The following SEMA5A variants were observed in gnomAD, a reference collection of about 807,000 sequenced individuals.
SEMA5A encodes the protein semaphorin 5A.
SEMA5A carries 55 observed loss-of-function variants against 135.5 expected under a neutral mutation model. The observed-to-expected ratio is 0.41, with a 90% CI of 0.33 to 0.51. The LOEUF (loss-of-function observed/expected upper bound fraction) is 0.51, where lower values mean the gene tolerates loss of function less well. SEMA5A is among the 20% of genes least tolerant of loss of function. The pLI is 0.37. For missense variants in SEMA5A, 1,290 were observed against 1,419.9 expected, an observed-to-expected ratio of 0.91 and a Z score of 1.47; for synonymous variants, 580 against 546.5, an observed-to-expected ratio of 1.06 and a Z score of -0.85.
chr5:9,302,353 A>C (rs1751651501), intron 5 of SEMA5A, among the ~76,000 whole-genome samples: 1 of 152,212 alleles, frequency 6.6e-6, no homozygotes, highest in African/African-American at 2.4e-5. Context: ...AAAATAAATA[A>C]GGCACTGACA....
intron 1 of SEMA5A, among the ~76,000 whole-genome samples, chr5:9,543,077 T>G (rs922051691): frequency 2.0e-5 from 3 of 152,220 alleles, no homozygotes; most frequent in African/African-American, 7.2e-5. Flanking sequence ...ACGATTCAGA[T>G]AGGCAGCTCT....
chr5:9,118,644 G>A (rs1355550671), intron 15 of SEMA5A, among the ~76,000 whole-genome samples: 1 of 152,096 alleles, frequency 6.6e-6, no homozygotes, highest in Non-Finnish European at 1.5e-5. Context: ...TGGAACTGGA[G>A]CTTTGAGATC....
chr5:9,480,802 C>T (rs1163192372), intron 1 of SEMA5A, among the ~76,000 whole-genome samples: 1 of 152,110 alleles, frequency 6.6e-6, no homozygotes, highest in African/African-American at 2.4e-5. Context: ...CTTTCCAGCC[C>T]TAATCCAGAG....
At chr5:9,539,717 C>T (rs1326841779) in intron 1 of SEMA5A, among the ~76,000 whole-genome samples, 3 of 152,076 alleles carry the variant, frequency 2.0e-5, no homozygotes, top group Non-Finnish European at 4.4e-5. Flanking sequence ...TGTCGGTGCT[C>T]AGAAAGTTTC....
intron 2 of SEMA5A, among the ~76,000 whole-genome samples, chr5:9,408,040 A>G (rs1036700117): frequency 5.9e-5 from 9 of 151,798 alleles, no homozygotes; most frequent in Non-Finnish European, 2.9e-5. Flanking sequence ...CATCATTACC[A>G]TCACTATGAC....
chr5:9,174,137 C>T (rs915056778), intron 11 of SEMA5A, among the ~76,000 whole-genome samples: 1 of 152,170 alleles, frequency 6.6e-6, no homozygotes, highest in Non-Finnish European at 1.5e-5. Flanking sequence ...TTTTCCCATG[C>T]CTGGGACAAG....
intron 16 of SEMA5A, among the ~76,000 whole-genome samples, chr5:9,068,275 T>C (rs1349641712): frequency 6.6e-6 from 1 of 152,248 alleles, no homozygotes; most frequent in African/African-American, 2.4e-5. Flanking sequence ...GAGAAGTCTG[T>C]AGACCTGGTC....
intron 2 of SEMA5A, among the ~76,000 whole-genome samples, chr5:9,387,177 T>C (rs1389156496): frequency 6.6e-6 from 1 of 152,206 alleles, no homozygotes; most frequent in Non-Finnish European, 1.5e-5. Context: ...CACATACTTA[T>C]GGCCACAAGG....
intron 1 of SEMA5A, among the ~76,000 whole-genome samples, chr5:9,520,368 A>G (rs1736756432): frequency 6.6e-6 from 1 of 152,168 alleles, no homozygotes; most frequent in South Asian, 2.1e-4. Context: ...GAACAGAGGA[A>G]TGGCGTGCTG....
chr5:9,479,385 G>GA (rs35642251), intron 1 of SEMA5A, among the ~76,000 whole-genome samples: 84,383 of 145,874 alleles, frequency 0.58, 24,089 homozygotes, highest in South Asian at 0.62. Context: ...CCATGTCTAT[G>GA]AAAAAAAAAA....
At chr5:9,182,001 A>C (rs912564912) in intron 11 of SEMA5A, among the ~76,000 whole-genome samples, 2 of 152,124 alleles carry the variant, frequency 1.3e-5, no homozygotes, top group Non-Finnish European at 2.9e-5. Context: ...CATGAAAGAC[A>C]GCACAACTTC....
chr5:9,081,531 C>T lies in SEMA5A; in HGVS notation c.2074-14885G>A, dbSNP rs562424812. On this transcript the variant is annotated intron_variant, in intron 16 of 22. Coordinates refer to ENST00000382496, the MANE Select transcript of SEMA5A (RefSeq NM_003966.3). ...CCAAATGGAAGACTCATTATCCTCT[C>T]GCTATGATATTTCTCCAATGCTTTC... 5.5e-4 allele frequency among the ~76,000 whole-genome samples: 83 copies of T among 149,584 alleles called. 2 individuals carry two copies. The South Asian group carries it at 0.017, about 31-fold the overall frequency.
intron 8 of SEMA5A, among the ~76,000 whole-genome samples, chr5:9,213,207 C>T (rs986048900): frequency 3.9e-5 from 6 of 152,200 alleles, no homozygotes; most frequent in Non-Finnish European, 7.3e-5. Context: ...TTTTAACCTA[C>T]GACTTTTGGG....
intron 4 of SEMA5A, among the ~76,000 whole-genome samples, chr5:9,333,975 A>T (rs1293619940): frequency 6.6e-6 from 1 of 152,092 alleles, no homozygotes; most frequent in East Asian, 1.9e-4. Context: ...GTTCATGTGC[A>T]TCCTGGAAAT....
intron 12 of SEMA5A, among the ~76,000 whole-genome samples, chr5:9,152,639 C>A (rs1742691667): frequency 6.6e-6 from 1 of 152,186 alleles, no homozygotes; most frequent in Non-Finnish European, 1.5e-5. Context: ...TCAAAACCTT[C>A]CTTCCACCTA....
intron 1 of SEMA5A, among the ~76,000 whole-genome samples, chr5:9,542,048 CTTACT>C (rs1418985706): frequency 6.6e-6 from 1 of 152,124 alleles, no homozygotes; most frequent in Non-Finnish European, 1.5e-5. Flanking sequence ...TATATTCTAG[CTTACT>C]TTAATTTTGC....
At chr5:9,250,140 T>A (rs1579710280) in intron 5 of SEMA5A, among the ~76,000 whole-genome samples, 3 of 150,960 alleles carry the variant, frequency 2.0e-5, no homozygotes, top group Non-Finnish European at 4.4e-5. Flanking sequence ...ACAAGGAGAG[T>A]GATGTAGAGG....
chr5:9,178,331 C>CTTTTTTTTTTTTTTTTTTTT (rs5865809), intron 11 of SEMA5A, among the ~76,000 whole-genome samples: 8 of 123,600 alleles, frequency 6.5e-5, no homozygotes, highest in Non-Finnish European at 6.7e-5. Flanking sequence ...TTTTTCTCTC[C>CTTTTTTTTTTTTTTTTTTTT]TTTTTTTTTT....
intron 3 of SEMA5A, among the ~76,000 whole-genome samples, chr5:9,364,406 T>A (rs928975535): frequency 6.6e-6 from 1 of 152,200 alleles, no homozygotes; most frequent in Admixed American, 6.5e-5. Context: ...CAGGTCTAGA[T>A]GAAATTCTTT....
Sources: gnomAD v4.1 joint callset for allele counts (sites outside exome capture counted in the v4.1 genomes callset) on GRCh38, gnomAD v4.1.1 for gene constraint, MANE v1.5 for transcripts, NCBI Gene and HGNC (gene_info 2026-07-23, HGNC 2026-07-21) for gene names.